The following CA12 variants were observed in gnomAD, a reference collection of about 807,000 sequenced individuals.
CA12 encodes carbonate dehydratase XII.
In CA12, 36 loss-of-function variants were observed where a neutral mutation model predicts 46.8. The observed-to-expected ratio is 0.77, with a 90% CI of 0.59 to 1.02. CA12 has a LOEUF of 1.02. Ranked by LOEUF, CA12 falls within the 50% of genes least tolerant of loss-of-function variation. CA12 has a pLI of 0.00. For synonymous variants in CA12, 202 were observed against 187.0 expected (o/e 1.08, Z -0.65); for missense variants, 436 against 451.4 (o/e 0.97, Z 0.31).
rs578114270 is a variant in CA12, at chr15:63,330,832, C to T, written c.875-2702G>A. 1.3e-5 allele frequency among the ~76,000 whole-genome samples: 2 copies of T among 152,188 alleles called. No homozygotes were observed. The highest frequency in any genetic ancestry group is 2.9e-5 in the Non-Finnish European group (2 of 68,040). On this transcript the variant is annotated intron_variant, in intron 8 of 10. Coordinates refer to ENST00000178638, the MANE Select transcript of CA12 (RefSeq NM_001218.5). This position sits in a 1 kb window ranked among gnomAD's most constrained non-coding sequence, Gnocchi z 4.0. ...CCAGTGCTGTGACCTGGGATCTTTG[C>T]TCCTTGAGGACCACTTGTCAAGGCC...
rs767941971 is a variant in CA12 at position 63,338,957 on chromosome 15, A to G, written c.748-12T>C. ...TCCAAAGCCAGCAGCTGAGGGCAAG[A>G]GCAGAAATAGCCCGCAGGCAGAATG... is the stretch of plus-strand genomic sequence containing the variant. On this transcript the variant is annotated splice_polypyrimidine_tract_variant and intron_variant, in intron 7 of 10. Transcript: ENST00000178638. 12 of 1,614,006 alleles carry G rather than the reference A, an allele frequency of 7.4e-6. No homozygotes were observed. In the East Asian group the frequency reaches 2.7e-4, roughly 36 times the overall value.
Position 63,373,471 on chromosome 15 carries a change from G to A in CA12, c.106+2187C>T, listed in dbSNP as rs572208212. ...CAGAGAGATAGGGATAGAGGACCCC[G>A]TAGAGATGTGATCTGTGTTTCTATC... On this transcript the variant is annotated intron_variant, in intron 2 of 10. Transcript: ENST00000178638. This position sits in a 1 kb window ranked among gnomAD's most constrained non-coding sequence, Gnocchi z 4.9. 1.1e-4 allele frequency among the ~76,000 whole-genome samples: 16 copies of A among 152,270 alleles called. No individual in the cohort carries two copies. Among genetic ancestry groups the A allele is most frequent in the South Asian group, 1.0e-3 (5 of 4,826 alleles).
At chr15:63,336,566 T>G (rs1362473422) in intron 8 of CA12, among the ~76,000 whole-genome samples, 1 of 142,536 alleles carries the variant, frequency 7.0e-6, no homozygotes, top group Non-Finnish European at 1.6e-5. Flanking sequence ...TTTTTTTTTT[T>G]TTGAGACAGA....
rs71131163 is a variant in CA12, at chr15:63,334,242, C to CTTTTTT, written c.874+4571_874+4576dup. Among the ~76,000 whole-genome samples, 244 of 64,952 alleles carry CTTTTTT rather than the reference C, an allele frequency of 3.8e-3. 45 individuals are homozygous for CTTTTTT. The highest frequency in any genetic ancestry group is 0.015 in the African/African-American group (205 of 13,814). 42.6% of individuals were successfully genotyped at this position (64,952 alleles called of 152,430 possible). A position where few individuals can be genotyped will look rare whatever the true frequency, so the allele number is the denominator to read the frequency against. ...TTCCAACTGCCACTTGGAAGAGGCA[C>CTTTTTT]TTTTTTTTTTTTTTTTTTTTTTTTT... On this transcript the variant is annotated intron_variant, in intron 8 of 10. Coordinates refer to ENST00000178638, the MANE Select transcript of CA12 (RefSeq NM_001218.5).
chr15:63,343,279 CTT>C (rs35290345), intron 4 of CA12, among the ~76,000 whole-genome samples: 25 of 98,770 alleles, frequency 2.5e-4, no homozygotes, highest in Non-Finnish European at 3.3e-4. Flanking sequence ...TAGAAAGAAT[CTT>C]TTTTTTTTTT....
rs74794784 is a variant in CA12, at chr15:63,327,500, G to GTTT, written c.908-270_908-268dup. The stretch of plus-strand genomic sequence containing the variant: ...CTGAAGAGCTTGTTTAAAATGTAGG[G>GTTT]TTTTTTTTTTTTTTTTAGCCCAACC... On this transcript the variant is annotated intron_variant, in intron 9 of 10. Transcript: ENST00000178638. This position sits in a 1 kb window ranked among gnomAD's most constrained non-coding sequence, Gnocchi z 4.5. 2.7e-3 allele frequency among the ~76,000 whole-genome samples: 385 copies of GTTT among 140,338 alleles called. 1 individual carries two copies. The South Asian group carries it at 0.04, about 15-fold the overall frequency. 92.1% of individuals were successfully genotyped at this position (140,338 alleles called of 152,430 possible). A position where few individuals can be genotyped will look rare whatever the true frequency, so the allele number is the denominator to read the frequency against.
intron 2 of CA12, among the ~76,000 whole-genome samples, chr15:63,352,709 T>C (rs370304872): frequency 7.2e-5 from 11 of 152,308 alleles, no homozygotes; most frequent in Middle Eastern, 3.4e-3. Context: ...TGGCAAAGTT[T>C]ACACATTCTA....
At chr15:63,356,049 T>C (rs1454945734) in intron 2 of CA12, among the ~76,000 whole-genome samples, 2 of 152,214 alleles carry the variant, frequency 1.3e-5, no homozygotes, top group Non-Finnish European at 2.9e-5. Context: ...GTGTTGACCA[T>C]CAGAAACATG....
At position 63,327,220 on chromosome 15, in the gene CA12, T is replaced by C; in HGVS notation, c.921A>G (p.Ser307=). The C allele has an allele frequency of 1.9e-6, 3 of 1,613,834 alleles. No individual in the cohort carries two copies. The highest frequency in any genetic ancestry group is 1.1e-5 in the South Asian group (1 of 91,014). Residue 307 remains serine (S), a synonymous_variant, in exon 10 of 11, where the codon TCA becomes TCG. Coordinates refer to ENST00000178638, the MANE Select transcript of CA12 (RefSeq NM_001218.5). The surrounding 1 kb of genome is among the most constrained non-coding windows in gnomAD (Gnocchi z 4.5). Reference sequence around the variant, plus strand: ...TGCCAAGAATGCCAGCCAGGGCCAGTGAGAGGATGATGCCTGGTGAAGAGG... The same window carrying C: ...TGCCAAGAATGCCAGCCAGGGCCAGCGAGAGGATGATGCCTGGTGAAGAGG... ...AAGLSLGIIL[S]LALAGILGIC...
rs1327230331 is a variant in CA12, at chr15:63,323,801, G to A, written c.*2484C>T. 3 of 152,228 alleles carry A rather than the reference G, an allele frequency of 2.0e-5. No individual in the cohort carries two copies. Among genetic ancestry groups the A allele is most frequent in the Non-Finnish European group, 4.4e-5 (3 of 68,022 alleles). The allele number at this position is 152,228 out of a possible 1,614,324, so 9.4% of individuals were successfully genotyped here. A position where few individuals can be genotyped will look rare whatever the true frequency, so the allele number is the denominator to read the frequency against. On this transcript the variant is annotated 3_prime_UTR_variant, in exon 11 of 11. Coordinates refer to ENST00000178638, the MANE Select transcript of CA12 (RefSeq NM_001218.5). The surrounding 1 kb of genome is among the most constrained non-coding windows in gnomAD (Gnocchi z 5.1). ...AGCACATGCTAGAAACAGATACAGA[G>A]TTTTTTGTTGTTTTTTAACTATTTT...
chr15:63,356,992 T>C (rs550772969), intron 2 of CA12, among the ~76,000 whole-genome samples: 1 of 152,334 alleles, frequency 6.6e-6, no homozygotes, highest in East Asian at 1.9e-4. Context: ...CAATGGAATA[T>C]TGTTTAGCCG....
intron 8 of CA12, among the ~76,000 whole-genome samples, chr15:63,337,515 G>A (rs749851288): frequency 6.6e-6 from 1 of 152,176 alleles, no homozygotes; most frequent in Non-Finnish European, 1.5e-5. Context: ...AGAGTGCAGT[G>A]GTGTGATCTC....
chr15:63,342,560 A>G, intron 4 of CA12, among the ~76,000 whole-genome samples: 1 of 152,214 alleles, frequency 6.6e-6, no homozygotes, highest in East Asian at 1.9e-4. Context: ...AATATTTCTG[A>G]TCAGACCTAA....
At chr15:63,343,617 C>A (rs1314797747) in intron 4 of CA12, among the ~76,000 whole-genome samples, 1 of 152,154 alleles carries the variant, frequency 6.6e-6, no homozygotes, top group African/African-American at 2.4e-5. Flanking sequence ...CAAAGAACCA[C>A]TACACTTCCA....
Position 63,340,408 on chromosome 15 carries a change from C to T in CA12, c.627G>A (p.Glu209=), listed in dbSNP as rs2039062682. Residue 209 remains glutamate, a synonymous_variant, in exon 7 of 11, where the codon GAG becomes GAA. Transcript: ENST00000178638. The surrounding 1 kb of genome is among the most constrained non-coding windows in gnomAD (Gnocchi z 4.4). ...ATTCAGCGGTCCTCTCCGGAAGCAG[C>T]TCTTCAATGTTGAATCCCGGGACGA... is the stretch of plus-strand genomic sequence containing the variant. ...EAFVPGFNIE[E]LLPERTAEYY... is the part of the protein sequence containing the mutation. 1 of 1,614,158 alleles carries T rather than the reference C, an allele frequency of 6.2e-7. No individual in the cohort carries two copies. Among genetic ancestry groups the T allele is most frequent in the African/African-American group, 1.3e-5 (1 of 75,012 alleles).
In CA12 at chr15:63,381,823, C is replaced by T; in HGVS notation, c.-103G>A. On this transcript the variant is annotated 5_prime_UTR_variant, in exon 1 of 11. Coordinates refer to ENST00000178638, the MANE Select transcript of CA12 (RefSeq NM_001218.5). ...GGACCGCGTGCGCGCAGCCTGGGTG[C>T]CGTGGCGAGTACGTCCGCCCTTCGC... 1.4e-6 allele frequency: 1 copy of T among 720,624 alleles called. No individual in the cohort carries two copies. The highest frequency in any genetic ancestry group is 2.1e-6 in the Non-Finnish European group (1 of 482,044). The allele number at this position is 720,624 out of a possible 1,614,324, so 44.6% of individuals were successfully genotyped here.
chr15:63,364,603 C>A (rs957348937), intron 2 of CA12, among the ~76,000 whole-genome samples: 4 of 152,184 alleles, frequency 2.6e-5, no homozygotes. Context: ...GTCTTTGCAG[C>A]CTGGGCTCTT....
intron 8 of CA12, among the ~76,000 whole-genome samples, chr15:63,337,617 C>T (rs778219016): frequency 3.3e-5 from 5 of 152,112 alleles, no homozygotes; most frequent in South Asian, 2.1e-4. Flanking sequence ...CCACCACGCC[C>T]GGCTAATTTT....
chr15:63,376,547 C>CCCTTTCTTTCCTT (rs2039572806), intron 1 of CA12, among the ~76,000 whole-genome samples: 2 of 68,616 alleles, frequency 2.9e-5, no homozygotes, highest in Admixed American at 1.4e-4. Flanking sequence ...CCCTCCCACT[C>CCCTTTCTTTCCTT]TCTTTCTTTC....
Sources: allele counts gnomAD v4.1 joint callset (sites outside exome capture counted in the v4.1 genomes callset), GRCh38; gene constraint gnomAD v4.1.1; non-coding constraint Gnocchi (gnomAD v3.1); transcripts MANE v1.5; gene names NCBI Gene and HGNC (gene_info 2026-07-23, HGNC 2026-07-21).